ATAD2B: variants seen among roughly 807,000 people sequenced by gnomAD.
The protein encoded by ATAD2B is ATPase family AAA domain-containing protein 2B.
ATAD2B carries 40 observed loss-of-function variants against 167.6 expected under a neutral mutation model. The ratio of observed to expected loss-of-function variants is 0.24; its 90% confidence interval spans 0.19 to 0.31. The LOEUF (loss-of-function observed/expected upper bound fraction) is 0.31, where lower values mean the gene tolerates loss of function less well. Ranked by LOEUF, ATAD2B falls within the 10% of genes least tolerant of loss-of-function variation. The pLI, the probability that ATAD2B is intolerant of heterozygous loss-of-function variation, is 1.00. For missense variants in ATAD2B, 1,242 were observed against 1,757.2 expected, an observed-to-expected ratio of 0.71 and a Z score of 5.24; for synonymous variants, 579 against 596.5, an observed-to-expected ratio of 0.97 and a Z score of 0.43.
intron 22 of ATAD2B, among the ~76,000 whole-genome samples, chr2:23,772,821 C>T (rs1431978017): frequency 1.3e-5 from 2 of 152,200 alleles, no homozygotes; most frequent in East Asian, 1.9e-4. Flanking sequence ...GCGTCAACCT[C>T]CTGGCCTCAA....
downstream of ATAD2B, among the ~76,000 whole-genome samples, chr2:23,747,692 T>C (rs1674971674): frequency 6.6e-6 from 1 of 152,138 alleles, no homozygotes; most frequent in African/African-American, 2.4e-5. Flanking sequence ...CTAAGCTACC[T>C]GAGAACAGGA....
chr2:23,843,593 G>A (rs924078730), intron 13 of ATAD2B, among the ~76,000 whole-genome samples: 3 of 152,150 alleles, frequency 2.0e-5, no homozygotes, highest in African/African-American at 7.2e-5. Context: ...AGACCAAGAC[G>A]ACTAGAGTCT....
the ATAD2B span, among the ~76,000 whole-genome samples, chr2:23,713,541 A>G: frequency 1.3e-5 from 2 of 152,038 alleles, no homozygotes; most frequent in Non-Finnish European, 2.9e-5. Context: ...CACCCCAGAA[A>G]CAAACCTGTA....
intron 13 of ATAD2B, among the ~76,000 whole-genome samples, chr2:23,850,246 T>C (rs558034415): frequency 1.0e-3 from 156 of 151,972 alleles, no homozygotes; most frequent in African/African-American, 3.6e-3. Context: ...TAACCACAGC[T>C]ATTTGTAAAT....
chr2:23,820,808 C>A (rs1378236770), intron 16 of ATAD2B, among the ~76,000 whole-genome samples: 4 of 151,980 alleles, frequency 2.6e-5, no homozygotes, highest in African/African-American at 7.3e-5. Flanking sequence ...ATTAGCCGGG[C>A]GTGGTGGCAG....
chr2:23,684,860 G>A, the ATAD2B span, among the ~76,000 whole-genome samples: 15 of 152,136 alleles, frequency 9.9e-5, no homozygotes, highest in African/African-American at 3.6e-4. The surrounding 1 kb of genome is among the most constrained non-coding windows in gnomAD (Gnocchi z 4.4). Flanking sequence ...AGCTGTCCCT[G>A]AGATTAGGGG....
At chr2:23,851,709 C>G (rs80326492) in intron 13 of ATAD2B, among the ~76,000 whole-genome samples, 81 of 152,264 alleles carry the variant, frequency 5.3e-4, no homozygotes, top group Non-Finnish European at 8.5e-4. Flanking sequence ...TCCACTCTTA[C>G]AGTATAACAC....
chr2:23,868,967 G>A (rs72788275), intron 9 of ATAD2B, among the ~76,000 whole-genome samples: 2,095 of 152,132 alleles, frequency 0.014, 28 homozygotes, highest in Non-Finnish European at 0.024. Context: ...GGCATTAAAC[G>A]CTTTTATTTA....
At chr2:23,706,307 A>C in the ATAD2B span, among the ~76,000 whole-genome samples, 1 of 152,116 alleles carries the variant, frequency 6.6e-6, no homozygotes, top group Non-Finnish European at 1.5e-5. Context: ...GCCCTGGAGG[A>C]CAGGTGTTTT....
the ATAD2B span, among the ~76,000 whole-genome samples, chr2:23,716,656 C>A: frequency 1.3e-5 from 2 of 152,220 alleles, no homozygotes; most frequent in African/African-American, 4.8e-5. Context: ...TCTTCTCCCC[C>A]AAATTATCTG....
chr2:23,718,527 G>A, the ATAD2B span, among the ~76,000 whole-genome samples: 10 of 152,158 alleles, frequency 6.6e-5, no homozygotes, highest in South Asian at 2.1e-3. Flanking sequence ...AGGACCAAGA[G>A]GGAAAAGGCT....
the ATAD2B span, among the ~76,000 whole-genome samples, chr2:23,735,091 T>C: frequency 1.3e-5 from 2 of 152,218 alleles, no homozygotes; most frequent in African/African-American, 2.4e-5. Context: ...TTCAAAAACA[T>C]TGTCACATGA....
At chr2:23,922,890 T>A (rs1013461883) in intron 1 of ATAD2B, among the ~76,000 whole-genome samples, 1 of 152,008 alleles carries the variant, frequency 6.6e-6, no homozygotes, top group African/African-American at 2.4e-5. Context: ...AAAAAGGGAA[T>A]CCTGGTACAT....
the ATAD2B span, chr2:23,689,740 C>T: frequency 4.6e-5 from 7 of 152,402 alleles, no homozygotes; most frequent in Non-Finnish European, 8.8e-5. Context: ...AATGAAGTCC[C>T]AGGCAGCAAA....
At chr2:23,696,036 C>G in the ATAD2B span, 2 of 1,551,636 alleles carry the variant, frequency 1.3e-6, no homozygotes, top group Admixed American at 3.9e-5. This position sits in a 1 kb window ranked among gnomAD's most constrained non-coding sequence, Gnocchi z 5.5. Context: ...CCTGCTGGAA[C>G]CCGCAGAACA....
chr2:23,832,352 T>C lies in ATAD2B; in HGVS notation c.1728+1567A>G, dbSNP rs886508384. ...GAGAAGAATGACTTAGATTTCAGTC[T>C]CACAAAACTGTTTCCTCGAAATGTT... On this transcript the variant is annotated intron_variant, in intron 14 of 27. Transcript: ENST00000238789. 3.6e-5 allele frequency: 13 copies of C among 356,652 alleles called. No individual in the cohort carries two copies. The Admixed American group carries it at 5.2e-4, about 14-fold the overall frequency. 22.1% of individuals were successfully genotyped at this position (356,652 alleles called of 1,614,324 possible).
chr2:23,921,051 C>T (rs1004742859), intron 1 of ATAD2B, among the ~76,000 whole-genome samples: 1 of 151,590 alleles, frequency 6.6e-6, no homozygotes, highest in African/African-American at 2.4e-5. Context: ...CTAAAAAATA[C>T]AAAAATTAGC....
Position 23,863,477 on chromosome 2 carries a change from T to G in ATAD2B, c.1383A>C (p.Gly461=). The change falls in exon 12 of 28, where the codon GGA becomes GGC. Residue 461 remains glycine, a synonymous_variant. Transcript: ENST00000238789. ...GCATAAAAAAAGCCACTTTTTTGTC[T>G]CCTTGGCTGCATTCATTAGCTAATG... ...ARALANECSQ[G]DKKVAFFMRK... The G allele has an allele frequency of 6.4e-7, 1 of 1,558,478 alleles. No homozygotes were observed.
intron 13 of ATAD2B, among the ~76,000 whole-genome samples, chr2:23,835,242 T>C (rs1689738210): frequency 6.6e-6 from 1 of 152,160 alleles, no homozygotes. Context: ...CTTTTCATAA[T>C]AGCCAAAAAA....
Sources: allele counts gnomAD v4.1 joint callset (sites outside exome capture counted in the v4.1 genomes callset), GRCh38; gene constraint gnomAD v4.1.1; non-coding constraint Gnocchi (gnomAD v3.1); transcripts MANE v1.5; gene names NCBI Gene and HGNC (gene_info 2026-07-23, HGNC 2026-07-21).